CELF2: variants seen among roughly 807,000 people sequenced by gnomAD.
CELF2 encodes the protein CUGBP Elav-like family member 2, also known as CUG triplet repeat RNA-binding protein 2.
Under a neutral mutation model 62.6 loss-of-function variants are expected in CELF2, and 8 were observed. The observed-to-expected ratio is 0.13, with a 90% CI of 0.07 to 0.23. CELF2 has a LOEUF of 0.23. CELF2 is among the 10% of genes least tolerant of loss of function. CELF2 has a pLI of 1.00. For missense variants in CELF2, 333 were observed against 671.0 expected, an observed-to-expected ratio of 0.50 and a Z score of 5.56; for synonymous variants, 258 against 250.0, an observed-to-expected ratio of 1.03 and a Z score of -0.30.
At chr10:11,124,490 G>T (rs1003365206) in intron 1 of CELF2, among the ~76,000 whole-genome samples, 6 of 152,142 alleles carry the variant, frequency 3.9e-5, no homozygotes, top group Non-Finnish European at 8.8e-5. Context: ...TAAACTTGAT[G>T]TTTTTTAGAT....
At chr10:10,748,674 G>C in the CELF2 span, among the ~76,000 whole-genome samples, 2 of 137,318 alleles carry the variant, frequency 1.5e-5, no homozygotes, top group South Asian at 4.6e-4. Flanking sequence ...CATGAACCCA[G>C]AAGGCAGAAC....
At chr10:10,696,865 G>A in the CELF2 span, among the ~76,000 whole-genome samples, 2 of 152,202 alleles carry the variant, frequency 1.3e-5, no homozygotes, top group Non-Finnish European at 2.9e-5. Context: ...TGCACCCAAT[G>A]ACCTATGCCC....
chr10:10,690,834 C>T, the CELF2 span, among the ~76,000 whole-genome samples: 4 of 152,044 alleles, frequency 2.6e-5, no homozygotes, highest in African/African-American at 7.2e-5. Flanking sequence ...GAGCCTAGAT[C>T]GTGCCAACTG....
intron 1 of CELF2, among the ~76,000 whole-genome samples, chr10:10,909,693 C>G (rs1564804953): frequency 1.3e-5 from 2 of 152,206 alleles, no homozygotes; most frequent in South Asian, 2.1e-4. Flanking sequence ...CGAATGAAGT[C>G]CCTTGATATC....
rs571102811 is a variant in CELF2, at chr10:10,943,001, C to T, written c.89+23002C>T. 7.2e-5 allele frequency among the ~76,000 whole-genome samples: 11 copies of T among 152,314 alleles called. No individual in the cohort carries two copies. In the Middle Eastern group the frequency reaches 0.014, roughly 188 times the overall value. The stretch of plus-strand genomic sequence containing the variant: ...GGACCCACAAGTATTGAACTATTTT[C>T]CAACAAGCCGGGATGCCCATGGAAT... On this transcript the variant is annotated intron_variant, in intron 2 of 13. Transcript: ENST00000636488.
intron 2 of CELF2, among the ~76,000 whole-genome samples, chr10:11,181,172 G>C (rs987743810): frequency 6.6e-6 from 1 of 152,182 alleles, no homozygotes; most frequent in Admixed American, 6.5e-5. Context: ...TCCTGGCCCA[G>C]ACATGGAATT....
intron 1 of CELF2, among the ~76,000 whole-genome samples, chr10:10,842,952 G>C (rs1038053746): frequency 1.3e-5 from 2 of 151,962 alleles, no homozygotes; most frequent in African/African-American, 4.8e-5. Flanking sequence ...AGGAAGAAAG[G>C]TTACTTATTA....
chr10:11,091,129 T>C (rs960047597), intron 1 of CELF2, among the ~76,000 whole-genome samples: 3 of 152,232 alleles, frequency 2.0e-5, no homozygotes, highest in Non-Finnish European at 4.4e-5. Flanking sequence ...GCCTATGGTA[T>C]GAATGTTTGA....
chr10:11,058,387 TTAAAGTA>T (rs1029896710), intron 1 of CELF2, among the ~76,000 whole-genome samples: 1 of 152,136 alleles, frequency 6.6e-6, no homozygotes, highest in African/African-American at 2.4e-5. Context: ...ACTTACTGTG[TTAAAGTA>T]TAAAGTATTA....
At chr10:11,289,205 G>A (rs181306513) in intron 9 of CELF2, among the ~76,000 whole-genome samples, 8 of 151,934 alleles carry the variant, frequency 5.3e-5, no homozygotes, top group African/African-American at 1.2e-4. Flanking sequence ...TAAAAAAGTC[G>A]AACGTTTCAC....
chr10:10,905,993 C>A (rs940666167), intron 1 of CELF2, among the ~76,000 whole-genome samples: 3 of 152,186 alleles, frequency 2.0e-5, no homozygotes, highest in Admixed American at 2.0e-4. Context: ...ATTGCTTCAA[C>A]CCAAGAGGCA....
chr10:11,074,727 T>TGA (rs1223340762), intron 1 of CELF2, among the ~76,000 whole-genome samples: 3 of 152,206 alleles, frequency 2.0e-5, no homozygotes, highest in Admixed American at 2.0e-4. Context: ...GTAACCATTC[T>TGA]GAGTGTCACA....
the CELF2 span, among the ~76,000 whole-genome samples, chr10:10,587,689 C>T: frequency 1.3e-5 from 2 of 152,104 alleles, no homozygotes; most frequent in Non-Finnish European, 2.9e-5. Flanking sequence ...GCAGGAAATA[C>T]CAAAACTATC....
chr10:11,272,525 T>A (rs935708389), intron 7 of CELF2, among the ~76,000 whole-genome samples: 4 of 152,202 alleles, frequency 2.6e-5, no homozygotes, highest in Non-Finnish European at 5.9e-5. Flanking sequence ...CTCTGTCTTC[T>A]AGCACGTCTC....
At chr10:10,532,664 C>A in the CELF2 span, among the ~76,000 whole-genome samples, 1 of 152,130 alleles carries the variant, frequency 6.6e-6, no homozygotes, top group East Asian at 1.9e-4. Flanking sequence ...TAAGGTCAGT[C>A]TTAGATATCA....
rs539548233 is a variant in CELF2 at position 11,302,920 on chromosome 10, G to C, written c.977-11219G>C. On this transcript the variant is annotated intron_variant, in intron 9 of 12. Coordinates refer to ENST00000633077, the MANE Select transcript of CELF2 (RefSeq NM_001326342.2). This position sits in a 1 kb window ranked among gnomAD's most constrained non-coding sequence, Gnocchi z 5.0. ...TTCTCTGCCAGGAGATGAAGCCAGC[G>C]TGTGTTTGGCACAACAATAAGAGCT... is the stretch of plus-strand genomic sequence containing the variant. 4.6e-5 allele frequency among the ~76,000 whole-genome samples: 7 copies of C among 152,252 alleles called. No individual in the cohort carries two copies. The highest frequency in any genetic ancestry group is 1.7e-4 in the African/African-American group (7 of 41,544).
chr10:11,028,977 G>C (rs921377941), intron 1 of CELF2, among the ~76,000 whole-genome samples: 2 of 152,202 alleles, frequency 1.3e-5, no homozygotes, highest in African/African-American at 2.4e-5. Context: ...GCCTTCCAAA[G>C]TTCTGGGATT....
In CELF2 at chr10:11,309,816, C is replaced by G. The variant is rs1007676191; in HGVS notation, c.977-4323C>G. Among the ~76,000 whole-genome samples, 21 of 152,218 alleles carry G rather than the reference C, an allele frequency of 1.4e-4. No homozygotes were observed. The highest frequency in any genetic ancestry group is 8.5e-4 in the Admixed American group (13 of 15,290). ...TTAATTGCTCACCAACAAAATTTAT[C>G]TTGTTTCTGACAGTGCCTGAGGTTT... On this transcript the variant is annotated intron_variant, in intron 9 of 12. Coordinates refer to ENST00000633077, the MANE Select transcript of CELF2 (RefSeq NM_001326342.2). The surrounding 1 kb of genome is among the most constrained non-coding windows in gnomAD (Gnocchi z 5.6).
chr10:11,200,070 T>C (rs1250621964), intron 2 of CELF2, among the ~76,000 whole-genome samples: 1 of 152,224 alleles, frequency 6.6e-6, no homozygotes, highest in Non-Finnish European at 1.5e-5. Flanking sequence ...TGGTTGAGAA[T>C]GTATGATGTG....
Sources: gnomAD v4.1 joint callset for allele counts (sites outside exome capture counted in the v4.1 genomes callset) on GRCh38, gnomAD v4.1.1 for gene constraint, Gnocchi (gnomAD v3.1) non-coding constraint, MANE v1.5 for transcripts, NCBI Gene and HGNC (gene_info 2026-07-23, HGNC 2026-07-21) for gene names.